The following RBFOX1 variants were observed in gnomAD, a reference collection of about 807,000 sequenced individuals.
The protein encoded by RBFOX1 is RNA binding protein fox-1 homolog 1.
In RBFOX1, 8 loss-of-function variants were observed where a neutral mutation model predicts 57.7. The ratio of observed to expected loss-of-function variants is 0.14; its 90% confidence interval spans 0.08 to 0.25. RBFOX1 has a LOEUF of 0.25. Among genes scored for constraint, RBFOX1 ranks in the 10% least tolerant of loss-of-function variants. The pLI, the probability that RBFOX1 is intolerant of heterozygous loss-of-function variation, is 1.00. For missense variants in RBFOX1, 611 were observed against 548.5 expected (o/e 1.11, Z -1.14); for synonymous variants, 326 against 222.4 (o/e 1.47, Z -4.15).
At chr16:7,591,912 G>C (rs957038313) in intron 7 of RBFOX1, among the ~76,000 whole-genome samples, 3 of 152,186 alleles carry the variant, frequency 2.0e-5, no homozygotes, top group African/African-American at 7.2e-5. Flanking sequence ...CCGCTCTCAA[G>C]GTTGCCTGGC....
chr16:7,218,556 G>C (rs897860125), intron 4 of RBFOX1, among the ~76,000 whole-genome samples: 1 of 151,956 alleles, frequency 6.6e-6, no homozygotes, highest in Admixed American at 6.6e-5. Flanking sequence ...AGCTGAGAAA[G>C]AGGTAAAAAG....
intron 2 of RBFOX1, among the ~76,000 whole-genome samples, chr16:6,532,571 C>A (rs2096673735): frequency 6.6e-6 from 1 of 152,186 alleles, no homozygotes; most frequent in Non-Finnish European, 1.5e-5. Flanking sequence ...CTGCCATCCC[C>A]TTCATGGAGA....
chr16:6,654,826 G>A (rs79114175), intron 3 of RBFOX1, among the ~76,000 whole-genome samples, 176 bp downstream of exon 3: 1 of 152,006 alleles, frequency 6.6e-6, no homozygotes, highest in Non-Finnish European at 1.5e-5. Flanking sequence ...TTTACAATCT[G>A]TGTTACTTCT....
intron 1 of RBFOX1, among the ~76,000 whole-genome samples, chr16:5,245,426 G>A (rs2062273498): frequency 6.6e-6 from 1 of 152,194 alleles, no homozygotes; most frequent in South Asian, 2.1e-4. Context: ...GGCTTGGGAG[G>A]CATCCCAGGT....
chr16:5,576,928 C>G (rs1222273739), intron 2 of RBFOX1, among the ~76,000 whole-genome samples: 2 of 152,206 alleles, frequency 1.3e-5, no homozygotes, highest in Non-Finnish European at 2.9e-5. Context: ...TATTACAGCA[C>G]TTGGGCCAAG....
intron 4 of RBFOX1, among the ~76,000 whole-genome samples, chr16:7,399,088 T>C (rs1210010349): frequency 2.0e-5 from 3 of 152,234 alleles, no homozygotes; most frequent in African/African-American, 7.2e-5. Context: ...TCACGTAATA[T>C]ACTCATGTAA....
At chr16:7,358,489 C>A (rs1404538923) in intron 4 of RBFOX1, among the ~76,000 whole-genome samples, 3 of 152,090 alleles carry the variant, frequency 2.0e-5, no homozygotes, top group African/African-American at 7.2e-5. Flanking sequence ...GGCGCGATCT[C>A]AGCTCACTGC....
intron 4 of RBFOX1, among the ~76,000 whole-genome samples, chr16:7,078,953 C>T (rs2058736862): frequency 6.8e-6 from 1 of 148,030 alleles, no homozygotes; most frequent in Non-Finnish European, 1.5e-5. Context: ...CGTGATCCAC[C>T]CACCTTGGCC....
chr16:6,250,405 T>C (rs2097599557), intron 1 of RBFOX1, among the ~76,000 whole-genome samples: 1 of 152,154 alleles, frequency 6.6e-6, no homozygotes, highest in South Asian at 2.1e-4. Context: ...GCAATGTTTG[T>C]GATGCGGAGG....
At chr16:6,821,824 T>C (rs1198714229) in intron 3 of RBFOX1, among the ~76,000 whole-genome samples, 1 of 152,204 alleles carries the variant, frequency 6.6e-6, no homozygotes, top group Non-Finnish European at 1.5e-5. Context: ...ATGATGCTGT[T>C]ATGAACATGA....
intron 1 of RBFOX1, among the ~76,000 whole-genome samples, chr16:5,347,922 A>C (rs2065178327): frequency 5.2e-5 from 5 of 96,862 alleles, no homozygotes; most frequent in Admixed American, 1.2e-4. Flanking sequence ...CCCCCCATCA[A>C]CCCATCCTTC....
intron 2 of RBFOX1, among the ~76,000 whole-genome samples, chr16:6,375,389 A>G (rs17140037): frequency 0.093 from 14,085 of 151,028 alleles, 2,216 homozygotes; most frequent in African/African-American, 0.32. Flanking sequence ...ATGCACATGT[A>G]GAACTTTGGG....
chr16:7,063,852 T>A (rs934958410), intron 4 of RBFOX1, among the ~76,000 whole-genome samples: 5 of 152,216 alleles, frequency 3.3e-5, no homozygotes, highest in Non-Finnish European at 5.9e-5. Context: ...TTAAAGTATG[T>A]GGGTGGATGT....
intron 3 of RBFOX1, among the ~76,000 whole-genome samples, chr16:5,861,345 G>A (rs919088323): frequency 6.6e-6 from 1 of 152,184 alleles, no homozygotes; most frequent in Non-Finnish European, 1.5e-5. Flanking sequence ...CTGGAATGAT[G>A]CATGCTGCTT....
chr16:5,944,100 C>A (rs563860582), intron 4 of RBFOX1, among the ~76,000 whole-genome samples: 1 of 152,290 alleles, frequency 6.6e-6, no homozygotes, highest in Admixed American at 6.5e-5. Context: ...CAATTCCATT[C>A]CAGACACATG....
chr16:7,021,262 C>G (rs1335803469), intron 3 of RBFOX1, among the ~76,000 whole-genome samples: 2 of 151,118 alleles, frequency 1.3e-5, no homozygotes, highest in East Asian at 1.9e-4. Flanking sequence ...CATTTGGTTA[C>G]TACTTGAGTC....
intron 3 of RBFOX1, among the ~76,000 whole-genome samples, chr16:5,654,524 G>A (rs754564032): frequency 3.3e-5 from 5 of 151,826 alleles, no homozygotes; most frequent in Non-Finnish European, 7.4e-5. Context: ...ATTCAGAATC[G>A]TCCTCCAAGA....
intron 2 of RBFOX1, among the ~76,000 whole-genome samples, chr16:6,539,605 C>G (rs1475683906): frequency 1.3e-5 from 2 of 151,978 alleles, no homozygotes; most frequent in Non-Finnish European, 1.5e-5. Context: ...CAAGACCAGC[C>G]TGCCCTACAT....
At chr16:6,326,577 T>C (rs775670200) in intron 2 of RBFOX1, among the ~76,000 whole-genome samples, 2 of 152,288 alleles carry the variant, frequency 1.3e-5, no homozygotes, top group South Asian at 4.2e-4. Flanking sequence ...CAGGGTTGTT[T>C]CGTCTCCCAG....
Sources: gnomAD v4.1 joint callset for allele counts (sites outside exome capture counted in the v4.1 genomes callset) on GRCh38, gnomAD v4.1.1 for gene constraint, MANE v1.5 for transcripts, NCBI Gene and HGNC (gene_info 2026-07-23, HGNC 2026-07-21) for gene names.